Variants in PDE10A observed in about 807,000 individuals in gnomAD.
PDE10A encodes cAMP and cAMP-inhibited cGMP 3',5'-cyclic phosphodiesterase 10A.
PDE10A carries 39 observed loss-of-function variants against 97.7 expected under a neutral mutation model. That is an observed-to-expected ratio of 0.40 (90% CI 0.31 to 0.52). PDE10A has a LOEUF of 0.52. Among genes scored for constraint, PDE10A ranks in the 20% least tolerant of loss-of-function variants. The pLI, the probability that PDE10A is intolerant of heterozygous loss-of-function variation, is 0.56. For missense variants in PDE10A, 731 were observed against 1,047.8 expected, an observed-to-expected ratio of 0.70 and a Z score of 4.17; for synonymous variants, 371 against 376.8, an observed-to-expected ratio of 0.98 and a Z score of 0.18.
At chr6:165,423,844 G>A (rs1333297524) in intron 10 of PDE10A, among the ~76,000 whole-genome samples, 1 of 132,378 alleles carries the variant, frequency 7.6e-6, no homozygotes, top group Admixed American at 7.8e-5. Flanking sequence ...GCGAGACTAT[G>A]TCTCAGGAAA....
intron 1 of PDE10A, among the ~76,000 whole-genome samples, chr6:165,851,598 G>T (rs1780573817): frequency 6.6e-6 from 1 of 152,186 alleles, no homozygotes; most frequent in Non-Finnish European, 1.5e-5. Flanking sequence ...CCTCTGAATA[G>T]ATTACTTTGG....
chr6:165,724,844 T>G (rs1490255663), intron 1 of PDE10A, among the ~76,000 whole-genome samples: 2 of 152,220 alleles, frequency 1.3e-5, no homozygotes, highest in Non-Finnish European at 2.9e-5. Context: ...CGGCTTCCAG[T>G]GCATCTTCCT....
chr6:165,410,227 TAA>T (rs1389486656), intron 13 of PDE10A, among the ~76,000 whole-genome samples: 3 of 152,230 alleles, frequency 2.0e-5, no homozygotes, highest in African/African-American at 7.2e-5. Flanking sequence ...GAAACTTTCC[TAA>T]AATATTAAAG....
At chr6:165,686,341 T>G (rs1006444208) in intron 1 of PDE10A, among the ~76,000 whole-genome samples, 1 of 152,158 alleles carries the variant, frequency 6.6e-6, no homozygotes, top group South Asian at 2.1e-4. Flanking sequence ...TGGATTTCCC[T>G]GTGCATCGGA....
rs143528895 is a variant in PDE10A, at chr6:165,591,779, G to A, written c.866-48211C>T. 1.6e-3 allele frequency among the ~76,000 whole-genome samples: 246 copies of A among 152,236 alleles called. 1 individual carries two copies. The highest frequency in any genetic ancestry group is 5.8e-3 in the African/African-American group (242 of 41,540). ...TAATCTACCTGACATTGCCTTGAAT[G>A]GGGTTCTATGCTGTTTACAAGAAGA... On this transcript the variant is annotated intron_variant, in intron 1 of 21. Transcript: ENST00000539869.
intron 1 of PDE10A, among the ~76,000 whole-genome samples, chr6:165,967,490 ACT>A (rs1784546516): frequency 6.6e-6 from 1 of 152,098 alleles, no homozygotes; most frequent in Admixed American, 6.5e-5. Flanking sequence ...GGAGCACGAA[ACT>A]CTGTCTCAAA....
intron 5 of PDE10A, among the ~76,000 whole-genome samples, chr6:165,442,008 T>C (rs1020161940): frequency 6.6e-6 from 1 of 152,222 alleles, no homozygotes; most frequent in African/African-American, 2.4e-5. Context: ...TCATTATATC[T>C]ATTATTTGTT....
intron 1 of PDE10A, among the ~76,000 whole-genome samples, chr6:165,619,674 G>C (rs200677491): frequency 6.4e-4 from 86 of 134,538 alleles, no homozygotes; most frequent in African/African-American, 2.4e-3. Flanking sequence ...CTAGTGTAGT[G>C]TAGTCTAGTG....
chr6:165,818,242 G>C (rs926465573), intron 1 of PDE10A, among the ~76,000 whole-genome samples: 2 of 152,048 alleles, frequency 1.3e-5, no homozygotes, highest in African/African-American at 4.8e-5. Context: ...TTTCCCCACT[G>C]ACTCCCTTCC....
chr6:165,732,381 C>T (rs981514981), intron 1 of PDE10A, among the ~76,000 whole-genome samples: 13 of 152,154 alleles, frequency 8.5e-5, no homozygotes, highest in Non-Finnish European at 1.6e-4. Flanking sequence ...GGCAGGTGGC[C>T]GAGCCACACA....
At chr6:165,658,615 GC>G (rs1562666274) in intron 1 of PDE10A, among the ~76,000 whole-genome samples, 1 of 152,196 alleles carries the variant, frequency 6.6e-6, no homozygotes, top group Non-Finnish European at 1.5e-5. Context: ...GATCACCTGC[GC>G]AGACAACCTA....
intron 1 of PDE10A, among the ~76,000 whole-genome samples, chr6:165,832,730 C>T (rs1779958273): frequency 6.6e-6 from 1 of 152,248 alleles, no homozygotes. Flanking sequence ...GACTGATACA[C>T]TTAATTCTGG....
chr6:165,471,843 GA>G (rs1779030090), intron 3 of PDE10A, among the ~76,000 whole-genome samples: 1 of 152,102 alleles, frequency 6.6e-6, no homozygotes, highest in African/African-American at 2.4e-5. Flanking sequence ...CCCTGGCAAT[GA>G]AAAATTATTT....
intron 1 of PDE10A, among the ~76,000 whole-genome samples, chr6:165,749,282 CATCATCA>C (rs1792924451): frequency 8.0e-6 from 1 of 125,538 alleles, no homozygotes; most frequent in South Asian, 2.7e-4. Flanking sequence ...TCACCATTAC[CATCATCA>C]CCATCACCAT....
At chr6:165,499,519 T>C (rs766226264) in intron 2 of PDE10A, among the ~76,000 whole-genome samples, 7 of 152,238 alleles carry the variant, frequency 4.6e-5, no homozygotes, top group Non-Finnish European at 1.0e-4. Flanking sequence ...ATTTCTGTTG[T>C]ATCAGTTAGG....
intron 1 of PDE10A, among the ~76,000 whole-genome samples, chr6:165,564,213 A>G (rs539479245): frequency 6.6e-6 from 1 of 152,296 alleles, no homozygotes; most frequent in East Asian, 1.9e-4. Flanking sequence ...AGAGTCCAAC[A>G]CTGTTCCTCA....
At chr6:165,511,821 G>A (rs575903112) in intron 2 of PDE10A, among the ~76,000 whole-genome samples, 41 of 152,048 alleles carry the variant, frequency 2.7e-4, no homozygotes, top group African/African-American at 8.7e-4. Context: ...TTTATCTGAT[G>A]TAAGTATAGC....
intron 1 of PDE10A, among the ~76,000 whole-genome samples, chr6:165,791,977 G>A (rs1231478571): frequency 6.6e-6 from 1 of 152,172 alleles, no homozygotes; most frequent in Non-Finnish European, 1.5e-5. Flanking sequence ...GTGAAACCAC[G>A]ATGATGTTCT....
At chr6:165,936,570 T>G (rs1433578032) in intron 1 of PDE10A, among the ~76,000 whole-genome samples, 1 of 152,112 alleles carries the variant, frequency 6.6e-6, no homozygotes. Flanking sequence ...CTGTGTCTAT[T>G]GTGTGGTGAG....
Sources: allele counts gnomAD v4.1 joint callset (sites outside exome capture counted in the v4.1 genomes callset), GRCh38; gene constraint gnomAD v4.1.1; transcripts MANE v1.5; gene names NCBI Gene and HGNC (gene_info 2026-07-23, HGNC 2026-07-21).